The following SERTM1 variants were observed in gnomAD, a reference collection of about 807,000 sequenced individuals.
SERTM1 encodes the protein serine rich and transmembrane domain containing 1, also known as serine-rich and transmembrane domain-containing protein 1.
SERTM1 carries 1 observed loss-of-function variant against 5.5 expected under a neutral mutation model. The observed-to-expected ratio is 0.18, with a 90% CI of 0.06 to 0.86. The LOEUF (loss-of-function observed/expected upper bound fraction) is 0.86. Among genes scored for constraint, SERTM1 ranks in the 40% least tolerant of loss-of-function variants. The probability of loss-of-function intolerance (pLI) is 0.69; values close to 1 mark genes in which losing one functional copy is unlikely to be tolerated. For missense variants in SERTM1, 91 were observed against 122.4 expected (o/e 0.74, Z 1.21); for synonymous variants, 52 against 55.1 (o/e 0.94, Z 0.25).
chr13:36,680,895 G>C (rs1301929720), intron 1 of SERTM1, among the ~76,000 whole-genome samples: 4 of 152,152 alleles, frequency 2.6e-5, no homozygotes, highest in Non-Finnish European at 5.9e-5. Flanking sequence ...AAGATTTAGA[G>C]GGACTATAAA....
rs116174508 is a variant in SERTM1, at chr13:36,680,677, T to C, written c.-174+6493T>C. Among the ~76,000 whole-genome samples, 938 of 152,332 alleles carry C rather than the reference T, an allele frequency of 6.2e-3. 11 individuals carry two copies. Among genetic ancestry groups the C allele is most frequent in the African/African-American group, 0.022 (901 of 41,578 alleles). ...GCTCTCTGATTCTATGAAAATTTTT[T>C]TCTTTTGTTGTTATTGCTGCTTGTG... On this transcript the variant is annotated intron_variant, in intron 1 of 1. Transcript: ENST00000315190.
Position 36,697,725 on chromosome 13 carries a change from A to G in SERTM1, c.*2323A>G, listed in dbSNP as rs1593405807. 6.0e-6 allele frequency: 1 copy of G among 167,202 alleles called. No individual in the cohort carries two copies. 10.4% of individuals were successfully genotyped at this position (167,202 alleles called of 1,614,324 possible). A position where few individuals can be genotyped will look rare whatever the true frequency, so the allele number is the denominator to read the frequency against. ...TCAAAGATGGAAAATAAGATTTGTC[A>G]TTAGAAGCTTGCCAAGGTAACAGAT... On this transcript the variant is annotated 3_prime_UTR_variant, in exon 2 of 2. Coordinates refer to ENST00000315190, the MANE Select transcript of SERTM1 (RefSeq NM_203451.3).
At chr13:36,689,554 T>C (rs978565622) in intron 1 of SERTM1, among the ~76,000 whole-genome samples, 7 of 148,640 alleles carry the variant, frequency 4.7e-5, no homozygotes, top group African/African-American at 1.5e-4. Context: ...ATAGTTTTTT[T>C]CCCCCAGAAA....
At position 36,697,430 on chromosome 13, in the gene SERTM1, G is replaced by C. The variant is rs534726497; in HGVS notation, c.*2028G>C. ...ACTTTTGCTCTTTGACTAATCCTAT[G>C]CTGTTTTTGTTATAGAGAGAAACAA... is the stretch of plus-strand genomic sequence containing the variant. On this transcript the variant is annotated 3_prime_UTR_variant, in exon 2 of 2. Transcript: ENST00000315190. 5 of 164,756 alleles carry C rather than the reference G, an allele frequency of 3.0e-5. No individual in the cohort carries two copies. The highest frequency in any genetic ancestry group is 1.2e-4 in the African/African-American group (5 of 40,730). The allele number at this position is 164,756 out of a possible 1,614,324, so 10.2% of individuals were successfully genotyped here. A position where few individuals can be genotyped will look rare whatever the true frequency, so the allele number is the denominator to read the frequency against.
At chr13:36,689,640 A>G (rs2056765274) in intron 1 of SERTM1, among the ~76,000 whole-genome samples, 1 of 150,838 alleles carries the variant, frequency 6.6e-6, no homozygotes, top group East Asian at 1.9e-4. Flanking sequence ...GCTCAAAACA[A>G]TTAAGTTCAT....
At chr13:36,675,798 GT>G (rs2056666240) in intron 1 of SERTM1, among the ~76,000 whole-genome samples, 1 of 152,166 alleles carries the variant, frequency 6.6e-6, no homozygotes, top group South Asian at 2.1e-4. Context: ...GCTGGACATC[GT>G]AGGGCCGCCG....
Position 36,693,476 on chromosome 13 carries a change from G to A in SERTM1, c.-173-1430G>A, listed in dbSNP as rs682498. ...AAATCACCAGGCAATGCAAAATGAG[G>A]AGTAGGAGTCAAATTATTTTAGGAA... On this transcript the variant is annotated intron_variant, in intron 1 of 1. Coordinates refer to ENST00000315190, the MANE Select transcript of SERTM1 (RefSeq NM_203451.3). 2.7e-3 allele frequency among the ~76,000 whole-genome samples: 403 copies of A among 151,950 alleles called. 4 individuals are homozygous for A. The highest frequency in any genetic ancestry group is 9.4e-3 in the African/African-American group (389 of 41,432).
chr13:36,696,122 A>G lies in SERTM1; in HGVS notation c.*720A>G, dbSNP rs1445620984. ...GCTTATGTTTTAGTCATAATGCCAC[A>G]AAGTTGTGGAATTTTTGTGATTAAT... On this transcript the variant is annotated 3_prime_UTR_variant, in exon 2 of 2. Transcript: ENST00000315190. The G allele has an allele frequency of 6.0e-6, 1 of 166,866 alleles. No individual in the cohort carries two copies. The highest frequency in any genetic ancestry group is 1.5e-5 in the Non-Finnish European group (1 of 68,122). 10.3% of individuals were successfully genotyped at this position (166,866 alleles called of 1,614,324 possible). A position where few individuals can be genotyped will look rare whatever the true frequency, so the allele number is the denominator to read the frequency against.
intron 1 of SERTM1, among the ~76,000 whole-genome samples, chr13:36,682,820 T>C (rs2056714150): frequency 6.6e-6 from 1 of 152,222 alleles, no homozygotes; most frequent in Non-Finnish European, 1.5e-5. Flanking sequence ...TACCCCTTCC[T>C]GTACATTGTT....
At chr13:36,678,702 A>G (rs778521197) in intron 1 of SERTM1, among the ~76,000 whole-genome samples, 36 of 121,720 alleles carry the variant, frequency 3.0e-4, no homozygotes, top group African/African-American at 4.0e-4. Context: ...TATAAAATAT[A>G]GTCCTTTTTA....
chr13:36,685,039 A>G (rs1054987495), intron 1 of SERTM1, among the ~76,000 whole-genome samples: 3 of 152,160 alleles, frequency 2.0e-5, no homozygotes. Context: ...ACACTTGTCT[A>G]TTGCTTCCAT....
At chr13:36,690,031 A>G (rs1378908363) in intron 1 of SERTM1, among the ~76,000 whole-genome samples, 1 of 152,150 alleles carries the variant, frequency 6.6e-6, no homozygotes, top group Non-Finnish European at 1.5e-5. Flanking sequence ...TTTATCCACC[A>G]AAGTACTATG....
intron 1 of SERTM1, among the ~76,000 whole-genome samples, chr13:36,692,390 C>A (rs1463059003): frequency 6.6e-6 from 1 of 152,196 alleles, no homozygotes; most frequent in Admixed American, 6.5e-5. Context: ...GTAAGCTTTA[C>A]CAACTGAATT....
chr13:36,697,312 A>ATATATATATATATATATATAT lies in SERTM1; in HGVS notation c.*1910_*1911insTATATATATATATATATATAT, dbSNP rs2056822145. 2.8e-5 allele frequency: 4 copies of ATATATATATATATATATATAT among 143,828 alleles called. No homozygotes were observed. The highest frequency in any genetic ancestry group is 1.1e-4 in the African/African-American group (4 of 36,212). 8.9% of individuals were successfully genotyped at this position (143,828 alleles called of 1,614,324 possible). On this transcript the variant is annotated 3_prime_UTR_variant, in exon 2 of 2. Coordinates refer to ENST00000315190, the MANE Select transcript of SERTM1 (RefSeq NM_203451.3). Reference sequence around the variant, plus strand: ...ATACGCACACACACACACACACATAAATATATATATATATATATATATATA... The same window carrying ATATATATATATATATATATAT: ...ATACGCACACACACACACACACATAATATATATATATATATATATATATATATATATATATATATATATATA...
At chr13:36,684,928 C>T (rs1224514751) in intron 1 of SERTM1, among the ~76,000 whole-genome samples, 2 of 152,194 alleles carry the variant, frequency 1.3e-5, no homozygotes, top group Non-Finnish European at 2.9e-5. Flanking sequence ...CTATAGGTCA[C>T]TACTTTGGCA....
chr13:36,682,150 CTTTTGCCTGTAAAGACAGAATAAACA>C (rs1305707744), intron 1 of SERTM1, among the ~76,000 whole-genome samples: 6 of 152,122 alleles, frequency 3.9e-5, no homozygotes. Flanking sequence ...AATAAACATT[CTTTTGCCTGTAAAGACAGAATAAACA>C]TGAGCTATCT....
chr13:36,681,338 C>T (rs561760401), intron 1 of SERTM1, among the ~76,000 whole-genome samples: 1 of 152,296 alleles, frequency 6.6e-6, no homozygotes, highest in East Asian at 1.9e-4. Flanking sequence ...CTCACAGGGA[C>T]CTGTAACCAA....
intron 1 of SERTM1, among the ~76,000 whole-genome samples, chr13:36,693,157 C>A (rs1298487571): frequency 1.3e-5 from 2 of 152,176 alleles, no homozygotes; most frequent in South Asian, 2.1e-4. Context: ...CAATTAGCTT[C>A]TTTATTTCTC....
At chr13:36,678,478 A>G (rs1397071522) in intron 1 of SERTM1, among the ~76,000 whole-genome samples, 2 of 145,716 alleles carry the variant, frequency 1.4e-5, no homozygotes, top group African/African-American at 2.5e-5. Context: ...CCTTTTTCAC[A>G]GGGAGGGGAA....
Sources: gnomAD v4.1 joint callset for allele counts (sites outside exome capture counted in the v4.1 genomes callset) on GRCh38, gnomAD v4.1.1 for gene constraint, MANE v1.5 for transcripts, NCBI Gene and HGNC (gene_info 2026-07-23, HGNC 2026-07-21) for gene names.